PITPNC1: variants seen among roughly 807,000 people sequenced by gnomAD.
PITPNC1 encodes phosphatidylinositol transfer protein cytoplasmic 1.
Under a neutral mutation model 44.7 loss-of-function variants are expected in PITPNC1, and 18 were observed. That is an observed-to-expected ratio of 0.40 (90% confidence interval 0.28 to 0.60). The LOEUF (loss-of-function observed/expected upper bound fraction) is 0.60. PITPNC1 is among the 20% of genes least tolerant of loss of function. The pLI is 0.39. For synonymous variants in PITPNC1, 141 were observed against 149.6 expected (o/e 0.94, Z 0.42); for missense variants, 290 against 418.4 (o/e 0.69, Z 2.68).
intron 6 of PITPNC1, among the ~76,000 whole-genome samples, chr17:67,641,406 C>T (rs1306249764): frequency 2.0e-5 from 3 of 152,316 alleles, no homozygotes; most frequent in Middle Eastern, 3.4e-3. Context: ...ACACTATGCA[C>T]ACCATCTCGC....
chr17:67,606,417 T>C (rs2041608643), intron 5 of PITPNC1, among the ~76,000 whole-genome samples: 1 of 152,190 alleles, frequency 6.6e-6, no homozygotes, highest in Non-Finnish European at 1.5e-5. Context: ...GATGGGACAA[T>C]GTTCTTAGAG....
At chr17:67,618,045 C>A (rs756986081) in intron 5 of PITPNC1, among the ~76,000 whole-genome samples, 34 of 152,112 alleles carry the variant, frequency 2.2e-4, no homozygotes, top group Non-Finnish European at 4.3e-4. Flanking sequence ...AGCAGTCCTA[C>A]TCCTGACTAT....
chr17:67,449,927 C>T (rs916891817), intron 1 of PITPNC1, among the ~76,000 whole-genome samples: 6 of 152,276 alleles, frequency 3.9e-5, no homozygotes, highest in Admixed American at 6.5e-5. Flanking sequence ...TGGCCTCAAG[C>T]GATCCTTCTG....
intron 5 of PITPNC1, among the ~76,000 whole-genome samples, chr17:67,616,986 AG>A (rs1314843033): frequency 1.3e-5 from 2 of 152,182 alleles, no homozygotes; most frequent in East Asian, 1.9e-4. Flanking sequence ...GAGAAAAAAA[AG>A]GACAAATGTC....
At chr17:67,579,853 T>C (rs1243613706) in intron 5 of PITPNC1, among the ~76,000 whole-genome samples, 1 of 151,802 alleles carries the variant, frequency 6.6e-6, no homozygotes, top group Non-Finnish European at 1.5e-5. Flanking sequence ...GGCAGGAGAA[T>C]TACTTGAGCC....
At chr17:67,490,039 G>C (rs1489615660) in intron 1 of PITPNC1, among the ~76,000 whole-genome samples, 1 of 151,808 alleles carries the variant, frequency 6.6e-6, no homozygotes, top group Non-Finnish European at 1.5e-5. Flanking sequence ...ACCCAGCCAG[G>C]TTATTTCTTT....
At chr17:67,657,009 G>A (rs2042276615) in intron 6 of PITPNC1, among the ~76,000 whole-genome samples, 1 of 152,150 alleles carries the variant, frequency 6.6e-6, no homozygotes, top group African/African-American at 2.4e-5. Context: ...AAATGAGAAA[G>A]AAAATGACTT....
intron 1 of PITPNC1, among the ~76,000 whole-genome samples, chr17:67,391,233 T>C (rs1470232806): frequency 6.6e-6 from 1 of 152,098 alleles, no homozygotes; most frequent in Non-Finnish European, 1.5e-5. Flanking sequence ...ACTGAATCAC[T>C]CAGAGAAATA....
intron 1 of PITPNC1, among the ~76,000 whole-genome samples, chr17:67,383,049 G>T (rs1480137165): frequency 1.3e-5 from 2 of 151,960 alleles, no homozygotes; most frequent in Non-Finnish European, 2.9e-5. Flanking sequence ...AGGCTGGAGT[G>T]CAGTGGCGCA....
chr17:67,550,133 T>G (rs998138630), intron 2 of PITPNC1, among the ~76,000 whole-genome samples: 1 of 152,142 alleles, frequency 6.6e-6, no homozygotes, highest in Non-Finnish European at 1.5e-5. Context: ...TTGAGCAGCG[T>G]GAACGTAAGG....
intron 1 of PITPNC1, among the ~76,000 whole-genome samples, chr17:67,434,202 T>G (rs765150648): frequency 6.6e-6 from 1 of 152,198 alleles, no homozygotes; most frequent in African/African-American, 2.4e-5. Context: ...GTAATGGTGA[T>G]GTAATGCTGA....
chr17:67,403,218 C>CAAAAAAAAAAAAAAAAAAAAAAAAAA (rs34768084), intron 1 of PITPNC1, among the ~76,000 whole-genome samples: 5 of 68,960 alleles, frequency 7.3e-5, no homozygotes, highest in African/African-American at 2.1e-4. Context: ...CTCATCTCTA[C>CAAAAAAAAAAAAAAAAAAAAAAAAAA]AAAAAAAAAA....
At chr17:67,421,189 C>T (rs1056088963) in intron 1 of PITPNC1, among the ~76,000 whole-genome samples, 1 of 152,114 alleles carries the variant, frequency 6.6e-6, no homozygotes, top group Non-Finnish European at 1.5e-5. Context: ...TTTTTCACTC[C>T]CTGTTGGAGT....
chr17:67,514,161 T>C (rs2040228091), intron 1 of PITPNC1, among the ~76,000 whole-genome samples: 1 of 152,202 alleles, frequency 6.6e-6, no homozygotes, highest in South Asian at 2.1e-4. Flanking sequence ...CCTCAAATAC[T>C]TGGACTACTT....
At chr17:67,380,351 A>G (rs1477498954) in intron 1 of PITPNC1, among the ~76,000 whole-genome samples, 1 of 152,164 alleles carries the variant, frequency 6.6e-6, no homozygotes, top group Non-Finnish European at 1.5e-5. Context: ...CTGGGATTAC[A>G]GGCATGAGCC....
intron 1 of PITPNC1, among the ~76,000 whole-genome samples, chr17:67,460,973 C>G (rs2039329540): frequency 6.6e-6 from 1 of 152,198 alleles, no homozygotes; most frequent in South Asian, 2.1e-4. Context: ...AACTCCTGAC[C>G]TCAGGTGATC....
chr17:67,610,373 A>G (rs1173017467), intron 5 of PITPNC1, among the ~76,000 whole-genome samples: 2 of 152,198 alleles, frequency 1.3e-5, no homozygotes, highest in African/African-American at 4.8e-5. Context: ...TTCTCAAAAT[A>G]ATCTCTGATT....
At chr17:67,519,099 C>G (rs1389771413) in intron 1 of PITPNC1, among the ~76,000 whole-genome samples, 1 of 150,514 alleles carries the variant, frequency 6.6e-6, no homozygotes, top group African/African-American at 2.5e-5. Flanking sequence ...AATTCCACTT[C>G]TAGGTCTGTA....
chr17:67,673,895 G>C (rs1056814936), intron 7 of PITPNC1, among the ~76,000 whole-genome samples: 1 of 148,446 alleles, frequency 6.7e-6, no homozygotes, highest in African/African-American at 2.5e-5. Flanking sequence ...AGGTTACAGT[G>C]AGCCGAGATC....
Sources: allele counts gnomAD v4.1 joint callset (sites outside exome capture counted in the v4.1 genomes callset), GRCh38; gene constraint gnomAD v4.1.1; transcripts MANE v1.5; gene names NCBI Gene and HGNC (gene_info 2026-07-23, HGNC 2026-07-21).